TNR: variants seen among roughly 807,000 people sequenced by gnomAD.
The protein encoded by TNR is tenascin-R.
A neutral mutation model predicts 150.4 loss-of-function variants in TNR; 45 were observed. That is an observed-to-expected ratio of 0.30 (90% CI 0.24 to 0.38). The LOEUF (loss-of-function observed/expected upper bound fraction) is 0.38, where lower values mean the gene tolerates loss of function less well. Among genes scored for constraint, TNR ranks in the 10% least tolerant of loss-of-function variants. The probability of loss-of-function intolerance (pLI) is 1.00; values close to 1 mark genes in which losing one functional copy is unlikely to be tolerated. For missense variants in TNR, 1,544 were observed against 1,759.1 expected, an observed-to-expected ratio of 0.88 and a Z score of 2.19; for synonymous variants, 687 against 678.4, an observed-to-expected ratio of 1.01 and a Z score of -0.20.
At chr1:175,667,566 A>C (rs1472438663) in intron 1 of TNR, among the ~76,000 whole-genome samples, 2 of 152,222 alleles carry the variant, frequency 1.3e-5, no homozygotes, top group Non-Finnish European at 2.9e-5. Flanking sequence ...TTGGGGAGGC[A>C]TACAAGTAAA....
At chr1:175,605,975 T>C (rs1663392983) in intron 1 of TNR, among the ~76,000 whole-genome samples, 1 of 152,186 alleles carries the variant, frequency 6.6e-6, no homozygotes, top group African/African-American at 2.4e-5. Context: ...AAGCTCTGGA[T>C]TGAAAAATCC....
chr1:175,384,608 C>G (rs906438679), intron 8 of TNR, among the ~76,000 whole-genome samples: 7 of 152,160 alleles, frequency 4.6e-5, no homozygotes, highest in African/African-American at 1.4e-4. Context: ...CTCTCTTTTG[C>G]TGGAGAAAAT....
chr1:175,654,137 G>C (rs1416102891), intron 1 of TNR, among the ~76,000 whole-genome samples: 1 of 152,076 alleles, frequency 6.6e-6, no homozygotes, highest in Non-Finnish European at 1.5e-5. Flanking sequence ...TTCCTCAATG[G>C]CTTTAGAGTA....
chr1:175,642,344 T>C (rs1031299964), intron 1 of TNR, among the ~76,000 whole-genome samples: 5 of 152,162 alleles, frequency 3.3e-5, no homozygotes, highest in Non-Finnish European at 7.3e-5. Context: ...CATGAAACTG[T>C]AGGAAACTTG....
chr1:175,403,763 C>G (rs943206970), intron 3 of TNR, 147 bp from the exon 4 acceptor site: 1 of 689,690 alleles, frequency 1.4e-6, no homozygotes, highest in African/African-American at 1.8e-5. Flanking sequence ...GGTACATATT[C>G]AATTTAATAA....
intron 2 of TNR, among the ~76,000 whole-genome samples, chr1:175,522,799 G>C (rs998121352): frequency 2.6e-4 from 39 of 152,164 alleles, no homozygotes; most frequent in Admixed American, 1.6e-3. Context: ...GTAAGTTCTG[G>C]TTCACTCATT....
intron 1 of TNR, among the ~76,000 whole-genome samples, chr1:175,535,843 GA>G (rs1557992493): frequency 6.6e-6 from 1 of 152,070 alleles, no homozygotes; most frequent in East Asian, 1.9e-4. Flanking sequence ...AACTTATACG[GA>G]AAAAACTGCA....
At chr1:175,481,809 T>C (rs1234279548) in intron 2 of TNR, among the ~76,000 whole-genome samples, 3 of 152,176 alleles carry the variant, frequency 2.0e-5, no homozygotes, top group African/African-American at 7.2e-5. Flanking sequence ...CTTGGGAATC[T>C]AGATTGACGC....
rs117223265 is a variant in TNR, at chr1:175,440,893, G to A, written c.-63-34116C>T. Among the ~76,000 whole-genome samples the A allele has an allele frequency of 1.6e-3, 239 of 152,286 alleles. 8 individuals carry two copies. In the East Asian group the frequency reaches 0.045, roughly 29 times the overall value. On this transcript the variant is annotated intron_variant, in intron 2 of 22. Transcript: ENST00000367674. ...TGGACTGGTGTCCTTAAGTAGGAGAGAGGGGATAAGATCCAATAAGCAAAT... is the reference window on the plus strand; with the variant it reads ...TGGACTGGTGTCCTTAAGTAGGAGAAAGGGGATAAGATCCAATAAGCAAAT...
intron 1 of TNR, among the ~76,000 whole-genome samples, chr1:175,735,629 A>G (rs1667751163): frequency 6.6e-6 from 1 of 152,240 alleles, no homozygotes; most frequent in African/African-American, 2.4e-5. Flanking sequence ...TTGAAATTGC[A>G]CAATGTCAAA....
chr1:175,622,421 T>A (rs1196968488), intron 1 of TNR, among the ~76,000 whole-genome samples: 1 of 152,228 alleles, frequency 6.6e-6, no homozygotes, highest in Non-Finnish European at 1.5e-5. Context: ...ACATTGCTTT[T>A]CATTCCACAT....
At chr1:175,647,632 A>G (rs1367722737) in intron 1 of TNR, among the ~76,000 whole-genome samples, 1 of 152,182 alleles carries the variant, frequency 6.6e-6, no homozygotes, top group Non-Finnish European at 1.5e-5. Flanking sequence ...GATGGTAACA[A>G]TAATGAAAAT....
At chr1:175,479,554 T>A (rs556382740) in intron 2 of TNR, among the ~76,000 whole-genome samples, 1 of 152,292 alleles carries the variant, frequency 6.6e-6, no homozygotes, top group South Asian at 2.1e-4. Context: ...AAGTTTTCCA[T>A]GAGCCCCATC....
intron 1 of TNR, among the ~76,000 whole-genome samples, chr1:175,542,651 AT>A (rs1391729925): frequency 6.6e-6 from 1 of 152,170 alleles, no homozygotes; most frequent in Non-Finnish European, 1.5e-5. Context: ...TTGACAAGCA[AT>A]TTTTTCATAA....
chr1:175,345,127 C>T, intron 18 of TNR, among the ~76,000 whole-genome samples: 1 of 151,830 alleles, frequency 6.6e-6, no homozygotes, highest in East Asian at 1.9e-4. Flanking sequence ...CAAAACAAAA[C>T]AAAACAACAA....
chr1:175,479,338 CA>C (rs2102126140), intron 2 of TNR, among the ~76,000 whole-genome samples: 1 of 152,306 alleles, frequency 6.6e-6, no homozygotes, highest in African/African-American at 2.4e-5. Flanking sequence ...AGGGCCCTCC[CA>C]GGGGTTCCCT....
rs541345273 is a variant in TNR at position 175,698,839 on chromosome 1, G to A, written c.-165+44387C>T. The stretch of plus-strand genomic sequence containing the variant: ...TCTGTCTCAAAAAAAAAAAGGTGGT[G>A]CTGGCAGTGACGGGAGGCAGAGCCT... On this transcript the variant is annotated intron_variant, in intron 1 of 22. Transcript: ENST00000367674. Among the ~76,000 whole-genome samples, 4 of 152,090 alleles carry A rather than the reference G, an allele frequency of 2.6e-5. No homozygotes were observed. In the East Asian group the frequency reaches 7.7e-4, roughly 29 times the overall value.
chr1:175,351,885 G>A (rs556886424), intron 18 of TNR, among the ~76,000 whole-genome samples: 1 of 152,304 alleles, frequency 6.6e-6, no homozygotes, highest in Admixed American at 6.5e-5. Context: ...GGGCTCTTCT[G>A]TTTTCCCCTT....
intron 7 of TNR, among the ~76,000 whole-genome samples, chr1:175,390,622 G>A (rs377078913): frequency 1.3e-5 from 2 of 152,198 alleles, no homozygotes; most frequent in African/African-American, 2.4e-5. Context: ...TCTTGAATGA[G>A]GTGATCTGTG....
Sources: gnomAD v4.1 joint callset for allele counts (sites outside exome capture counted in the v4.1 genomes callset) on GRCh38, gnomAD v4.1.1 for gene constraint, MANE v1.5 for transcripts, NCBI Gene and HGNC (gene_info 2026-07-23, HGNC 2026-07-21) for gene names.